The following CSGALNACT1 variants were observed in gnomAD, a reference collection of about 807,000 sequenced individuals.
CSGALNACT1 encodes the protein chondroitin sulfate N-acetylgalactosaminyltransferase 1.
In CSGALNACT1, 52 loss-of-function variants were observed where a neutral mutation model predicts 51.0. The observed-to-expected ratio is 1.02, with a 90% CI of 0.82 to 1.29. CSGALNACT1 has a LOEUF of 1.29. Ranked by LOEUF, CSGALNACT1 falls within the 50% of genes most tolerant of loss-of-function variation. The pLI is 0.00. For missense variants in CSGALNACT1, 935 were observed against 679.2 expected, an observed-to-expected ratio of 1.38 and a Z score of -4.19; for synonymous variants, 341 against 254.4, an observed-to-expected ratio of 1.34 and a Z score of -3.24.
chr8:19,484,028 A>G (rs1236337288), intron 4 of CSGALNACT1, among the ~76,000 whole-genome samples: 1 of 152,198 alleles, frequency 6.6e-6, no homozygotes, highest in Non-Finnish European at 1.5e-5. Flanking sequence ...TTTGTCCTGC[A>G]TACCTAGGCA....
In CSGALNACT1 at chr8:19,724,811, G is replaced by C. The variant is rs529321730; in HGVS notation, c.-297+33039C>G. Among the ~76,000 whole-genome samples the C allele has an allele frequency of 7.2e-5, 11 of 152,294 alleles. No homozygotes were observed. The East Asian group carries it at 2.1e-3, about 29-fold the overall frequency. On this transcript the variant is annotated intron_variant, in intron 1 of 1. Coordinates refer to the CSGALNACT1 transcript ENST00000517494. The stretch of plus-strand genomic sequence containing the variant: ...TGCACAGACACAGTGCATCCTCTGC[G>C]TGTTGTTGCCATGTGTCATGACCTT...
intron 3 of CSGALNACT1, among the ~76,000 whole-genome samples, chr8:19,510,925 C>A (rs569301407): frequency 9.8e-5 from 15 of 152,306 alleles, no homozygotes; most frequent in African/African-American, 3.4e-4. Context: ...ATGACTAGGA[C>A]AGAAGTTGCT....
At chr8:19,652,568 A>G (rs1242051491) in intron 1 of CSGALNACT1, among the ~76,000 whole-genome samples, 1 of 151,914 alleles carries the variant, frequency 6.6e-6, no homozygotes. Context: ...CCTTCTGTCT[A>G]TTGCCTCTTT....
intron 7 of CSGALNACT1, among the ~76,000 whole-genome samples, chr8:19,418,959 G>A (rs575022049): frequency 7.2e-4 from 109 of 152,140 alleles, no homozygotes; most frequent in African/African-American, 2.2e-3. Flanking sequence ...TGATTCTACT[G>A]CCTCAGCCTC....
chr8:19,580,105 C>T (rs185034141), intron 3 of CSGALNACT1, among the ~76,000 whole-genome samples: 34 of 152,340 alleles, frequency 2.2e-4, no homozygotes, highest in African/African-American at 7.7e-4. Context: ...CCAGGTTGCA[C>T]TGGACGAGCA....
chr8:19,701,346 G>T (rs1202028285), intron 1 of CSGALNACT1, among the ~76,000 whole-genome samples: 1 of 150,966 alleles, frequency 6.6e-6, no homozygotes, highest in Non-Finnish European at 1.5e-5. Flanking sequence ...TAGACAAGGG[G>T]TTTCACCATG....
intron 1 of CSGALNACT1, among the ~76,000 whole-genome samples, chr8:19,662,822 G>A (rs917781318): frequency 1.3e-5 from 2 of 152,046 alleles, no homozygotes; most frequent in South Asian, 2.1e-4. Context: ...CATCAGCTGG[G>A]GCACTAGCAC....
chr8:19,511,546 C>T (rs1020957154), intron 3 of CSGALNACT1, among the ~76,000 whole-genome samples: 2 of 152,208 alleles, frequency 1.3e-5, no homozygotes, highest in Non-Finnish European at 1.5e-5. Context: ...TTTATTTGAA[C>T]ATATGGCTTC....
chr8:19,543,940 C>T (rs578041188), intron 3 of CSGALNACT1, among the ~76,000 whole-genome samples: 43 of 152,244 alleles, frequency 2.8e-4, no homozygotes, highest in Middle Eastern at 6.8e-3. Context: ...GAGGAAAAGA[C>T]GGTGCCAGTA....
chr8:19,451,527 C>T (rs2063179997), intron 5 of CSGALNACT1, among the ~76,000 whole-genome samples: 1 of 152,138 alleles, frequency 6.6e-6, no homozygotes, highest in African/African-American at 2.4e-5. Context: ...ATTTTGTCCC[C>T]ATGGATCACC....
chr8:19,644,726 A>G (rs2057100706), intron 1 of CSGALNACT1, among the ~76,000 whole-genome samples: 1 of 150,816 alleles, frequency 6.6e-6, no homozygotes, highest in African/African-American at 2.4e-5. Flanking sequence ...AAAAAAAAAA[A>G]AAAAAAAAAA....
chr8:19,582,897 C>T (rs988550823), intron 3 of CSGALNACT1, among the ~76,000 whole-genome samples: 1 of 152,096 alleles, frequency 6.6e-6, no homozygotes, highest in African/African-American at 2.4e-5. Context: ...ATGACAGGCT[C>T]ACTTGGAGAA....
intron 1 of CSGALNACT1, among the ~76,000 whole-genome samples, chr8:19,637,050 A>G (rs1007039961): frequency 1.3e-5 from 2 of 151,824 alleles, no homozygotes; most frequent in African/African-American, 4.8e-5. Context: ...AAATAGAACA[A>G]TTAGCCAGAC....
intron 1 of CSGALNACT1, among the ~76,000 whole-genome samples, chr8:19,695,321 T>G (rs2061531489): frequency 2.6e-5 from 4 of 152,198 alleles, no homozygotes; most frequent in Non-Finnish European, 4.4e-5. Flanking sequence ...GTTTCATTCC[T>G]GAAAGCCTAT....
intron 4 of CSGALNACT1, among the ~76,000 whole-genome samples, chr8:19,472,776 AG>A (rs1373887922): frequency 6.6e-6 from 1 of 152,252 alleles, no homozygotes; most frequent in Non-Finnish European, 1.5e-5. Flanking sequence ...AAAGCATATC[AG>A]AAAAGTCTTA....
chr8:19,727,103 G>C (rs1183510812), intron 1 of CSGALNACT1, among the ~76,000 whole-genome samples: 1 of 152,120 alleles, frequency 6.6e-6, no homozygotes, highest in Admixed American at 6.5e-5. Context: ...GGGGCTGAGG[G>C]AAGGCACCCG....
At chr8:19,529,915 T>C (rs2082407898) in intron 3 of CSGALNACT1, among the ~76,000 whole-genome samples, 1 of 152,216 alleles carries the variant, frequency 6.6e-6, no homozygotes, top group Admixed American at 6.5e-5. Flanking sequence ...TTATTTCTCA[T>C]ATTTTATTTT....
chr8:19,716,866 G>C (rs1196447707), intron 1 of CSGALNACT1, among the ~76,000 whole-genome samples: 1 of 151,936 alleles, frequency 6.6e-6, no homozygotes, highest in Non-Finnish European at 1.5e-5. Flanking sequence ...AAATAGCATA[G>C]AGAATTAAAG....
At chr8:19,594,593 G>C (rs906721723) in intron 2 of CSGALNACT1, among the ~76,000 whole-genome samples, 2 of 152,166 alleles carry the variant, frequency 1.3e-5, no homozygotes, top group Non-Finnish European at 2.9e-5. Flanking sequence ...TAGTCACAAG[G>C]AGTGCAATGG....
Sources: gnomAD v4.1 joint callset for allele counts (sites outside exome capture counted in the v4.1 genomes callset) on GRCh38, gnomAD v4.1.1 for gene constraint, MANE v1.5 for transcripts, NCBI Gene and HGNC (gene_info 2026-07-23, HGNC 2026-07-21) for gene names.